The following USP9X variants were observed in gnomAD, a reference collection of about 807,000 sequenced individuals.
USP9X encodes the protein ubiquitin specific peptidase 9 X-linked.
USP9X carries 7 observed loss-of-function variants against 190.3 expected under a neutral mutation model. That is an observed-to-expected ratio of 0.04 (90% confidence interval 0.02 to 0.07). USP9X has a LOEUF of 0.07. USP9X is among the 10% of genes least tolerant of loss of function. The probability of loss-of-function intolerance (pLI) is 1.00; values close to 1 mark genes in which losing one functional copy is unlikely to be tolerated. For synonymous variants in USP9X, 645 were observed against 659.5 expected (o/e 0.98, Z 0.34); for missense variants, 1,010 against 1,916.9 (o/e 0.53, Z 8.83).
At chrX:41,187,292 A>G (rs1396949966) in intron 24 of USP9X, among the ~76,000 whole-genome samples, 1 of 112,279 alleles carries the variant, frequency 8.9e-6, no homozygotes. Flanking sequence ...GGAGTTTTAT[A>G]TAGGTGGATT....
At chrX:41,211,761 G>A (rs756466019) in intron 33 of USP9X, among the ~76,000 whole-genome samples, 2 of 108,701 alleles carry the variant, frequency 1.8e-5, no homozygotes, top group African/African-American at 3.3e-5. Context: ...GAGGTGAGGG[G>A]TGCCTCTGCC....
rs2062717009 is a variant in USP9X, at chrX:41,170,601, A to C, written c.3009A>C (p.Glu1003Asp). Residue 1003 changes from glutamate (E) to aspartate (D), a missense_variant, in exon 20 of 45, where the codon GAA becomes GAC. Physicochemically the swap from Glu to Asp is conservative, Grantham distance 45. Transcript: ENST00000378308. Reference sequence around the variant, plus strand: ...GTGATGGTCCCAATCCAGAAGTGGAAAGCTGTTTGCCTGGAGTGGTGAGTA... The same window carrying C: ...GTGATGGTCCCAATCCAGAAGTGGACAGCTGTTTGCCTGGAGTGGTGAGTA... ...HYSDGPNPEV[E>D]SCLPGVIMSL... 1 of 1,208,989 alleles carries C rather than the reference A, an allele frequency of 8.3e-7. No homozygotes were observed. The highest frequency in any genetic ancestry group is 2.2e-5 in the Admixed American group (1 of 45,604).
rs1436397503 is a variant in USP9X, at chrX:41,196,262, A to G, written c.3989A>G (p.Gln1330Arg). The part of the protein sequence containing the change: ...LLHCHSKTVR[Q>R]VAQEQFFLMC... ...ATTTTTTATTTCAGAACTGTTCGTC[A>G]GGTGGCACAGGAGCAGTTCTTTTTA... is the stretch of plus-strand genomic sequence containing the variant. The change falls in exon 27 of 45, where the codon CAG becomes CGG. Residue 1330 changes from glutamine to arginine, a missense_variant. Transcript: ENST00000378308. 10 of 1,209,857 alleles carry G rather than the reference A, an allele frequency of 8.3e-6. No homozygotes were observed. The highest frequency in any genetic ancestry group is 3.5e-5 in the African/African-American group (2 of 57,274).
At chrX:41,186,864 T>TTGCCCAGGCTGGAG (rs1468505432) in intron 24 of USP9X, among the ~76,000 whole-genome samples, 2 of 109,159 alleles carry the variant, frequency 1.8e-5, no homozygotes, top group African/African-American at 6.7e-5. Flanking sequence ...TCTCACTCTG[T>TTGCCCAGGCTGGAG]TGCCCAGGCT....
chrX:41,163,849 T>C (rs1392651178), intron 15 of USP9X, among the ~76,000 whole-genome samples: 1 of 110,551 alleles, frequency 9.0e-6, no homozygotes, highest in Non-Finnish European at 1.9e-5. Flanking sequence ...ATGCCCAGAT[T>C]ATCACTGCTT....
Position 41,154,867 on chromosome X carries a change from C to T in USP9X, c.1897+1786C>T, listed in dbSNP as rs1461318249. 2.7e-5 allele frequency among the ~76,000 whole-genome samples: 3 copies of T among 111,097 alleles called. No homozygotes were observed. The Admixed American group carries it at 2.9e-4, about 11-fold the overall frequency. On this transcript the variant is annotated intron_variant, in intron 14 of 44. Coordinates refer to ENST00000378308, the MANE Select transcript of USP9X (RefSeq NM_001039591.3). ...TTTATTACACTACTCTTGATTAATACTGATGAGTCTGGAGATAGTTAAATA... is the reference window on the plus strand; with the variant it reads ...TTTATTACACTACTCTTGATTAATATTGATGAGTCTGGAGATAGTTAAATA...
chrX:41,144,900 C>T (rs1442639236), intron 11 of USP9X, among the ~76,000 whole-genome samples: 2 of 111,055 alleles, frequency 1.8e-5, no homozygotes, highest in Non-Finnish European at 3.8e-5. Context: ...TGTAGGACTA[C>T]AGGGAAGGAT....
At chrX:41,177,644 T>C (rs1326068187) in intron 21 of USP9X, among the ~76,000 whole-genome samples, 1 of 112,411 alleles carries the variant, frequency 8.9e-6, no homozygotes, top group Non-Finnish European at 1.9e-5. Flanking sequence ...ATCAAACATT[T>C]GTTTTATCAT....
At chrX:41,174,571 G>A (rs1291805518) in intron 21 of USP9X, among the ~76,000 whole-genome samples, 1 of 111,810 alleles carries the variant, frequency 8.9e-6, no homozygotes, top group African/African-American at 3.3e-5. Flanking sequence ...CCACAGAAGC[G>A]ATGTTCTGTT....
intron 24 of USP9X, among the ~76,000 whole-genome samples, chrX:41,186,915 C>T (rs1345526678): frequency 7.3e-5 from 8 of 109,809 alleles, no homozygotes; most frequent in Admixed American, 6.8e-4. Context: ...CAACCTCCAC[C>T]TCCCAGGTTC....
intron 32 of USP9X, among the ~76,000 whole-genome samples, chrX:41,205,867 C>T (rs865874351): frequency 1.1e-5 from 1 of 91,248 alleles, no homozygotes; most frequent in African/African-American, 3.7e-5. Flanking sequence ...TTTTTTTTTT[C>T]TTTTTTTCTT....
At chrX:41,209,236 A>T (rs1395288982) in intron 32 of USP9X, among the ~76,000 whole-genome samples, 1 of 111,810 alleles carries the variant, frequency 8.9e-6, no homozygotes, top group Non-Finnish European at 1.9e-5. Context: ...TCCCAATCTG[A>T]TACTCATGAA....
chrX:41,209,963 A>G (rs1478976242), intron 32 of USP9X, among the ~76,000 whole-genome samples: 4 of 111,851 alleles, frequency 3.6e-5, no homozygotes, highest in African/African-American at 1.3e-4. Context: ...GTATGTAGTG[A>G]TGGTGTCTTT....
intron 1 of USP9X, among the ~76,000 whole-genome samples, chrX:41,121,796 C>T (rs1463043170): frequency 9.0e-6 from 1 of 111,328 alleles, no homozygotes; most frequent in Non-Finnish European, 1.9e-5. Context: ...ACCTGGGCAT[C>T]AGTGTTTTAA....
At chrX:41,219,271 CATATT>C in intron 38 of USP9X, 40 bp downstream of exon 38, 2 of 1,159,896 alleles carry the variant, frequency 1.7e-6, no homozygotes, top group Non-Finnish European at 2.3e-6. Context: ...TTTGATGTAT[CATATT>C]AAATTGTGAA....
At chrX:41,182,446 C>T (rs1348192928) in intron 21 of USP9X, among the ~76,000 whole-genome samples, 7 of 109,215 alleles carry the variant, frequency 6.4e-5, no homozygotes, top group Non-Finnish European at 1.3e-4. Context: ...CTCCCCTTTG[C>T]CTCCATCCTT....
At position 41,232,695 on chromosome X, in the gene USP9X, G is replaced by A. The variant is rs1468849643; in HGVS notation, c.*171G>A. 1.6e-5 allele frequency: 9 copies of A among 566,751 alleles called. No homozygotes were observed. The highest frequency in any genetic ancestry group is 2.3e-5 in the African/African-American group (1 of 42,825). The allele number at this position is 566,751 out of a possible 1,213,427, so 46.7% of individuals were successfully genotyped here. A position where few individuals can be genotyped will look rare whatever the true frequency, so the allele number is the denominator to read the frequency against. On this transcript the variant is annotated 3_prime_UTR_variant, in exon 45 of 45. Coordinates refer to ENST00000378308, the MANE Select transcript of USP9X (RefSeq NM_001039591.3). The stretch of plus-strand genomic sequence containing the variant: ...GAAATTTGCTGTCAATATATAACCC[G>A]CCTGCAGTGGAAAGTGTATAGTGTT...
chrX:41,102,890 TCAAA>T (rs1458347162), intron 1 of USP9X, among the ~76,000 whole-genome samples: 7 of 110,855 alleles, frequency 6.3e-5, no homozygotes, highest in African/African-American at 1.3e-4. Context: ...CCTCCTGGGT[TCAAA>T]CAATCTCCCT....
At chrX:41,135,459 C>G (rs1457686531) in intron 5 of USP9X, among the ~76,000 whole-genome samples, 1 of 111,711 alleles carries the variant, frequency 9.0e-6, no homozygotes, top group Non-Finnish European at 1.9e-5. Context: ...AAGTGACTAG[C>G]AGAAGCAAAC....
Sources: allele counts gnomAD v4.1 joint callset (sites outside exome capture counted in the v4.1 genomes callset), GRCh38; gene constraint gnomAD v4.1.1; transcripts MANE v1.5; gene names NCBI Gene and HGNC (gene_info 2026-07-23, HGNC 2026-07-21).